Variants in GNRHR observed in about 807,000 individuals in gnomAD.
GNRHR encodes gonadotropin-releasing hormone receptor.
A neutral mutation model predicts 28.1 loss-of-function variants in GNRHR; 14 were observed. That is an observed-to-expected ratio of 0.50 (90% CI 0.33 to 0.78). The LOEUF (loss-of-function observed/expected upper bound fraction) is 0.78, where lower values mean the gene tolerates loss of function less well. Ranked by LOEUF, GNRHR falls within the 30% of genes least tolerant of loss-of-function variation. GNRHR has a pLI of 0.02. For missense variants in GNRHR, 366 were observed against 382.1 expected, an observed-to-expected ratio of 0.96 and a Z score of 0.35; for synonymous variants, 141 against 140.5, an observed-to-expected ratio of 1.00 and a Z score of -0.02.
chr4:67,750,959 G>A (rs1433903405), intron 1 of GNRHR, among the ~76,000 whole-genome samples: 1 of 151,900 alleles, frequency 6.6e-6, no homozygotes, highest in African/African-American at 2.4e-5. Context: ...ATTAGTTATG[G>A]GATTGAAATT....
At chr4:67,743,769 G>C (rs1038610475) in intron 2 of GNRHR, among the ~76,000 whole-genome samples, 3 of 152,222 alleles carry the variant, frequency 2.0e-5, no homozygotes, top group Admixed American at 1.3e-4. Context: ...TGTTCTTGCA[G>C]TATACTTTTT....
intron 1 of GNRHR, chr4:67,753,565 T>C: frequency 2.0e-6 from 1 of 511,796 alleles, no homozygotes; most frequent in Non-Finnish European, 3.5e-6. Context: ...TATTTATTCA[T>C]CACAAAAGCA....
At position 67,744,701 on chromosome 4, in the gene GNRHR, T is replaced by G. The variant is rs780032788; in HGVS notation, c.609A>C (p.Ser203=). Residue 203 remains serine, a synonymous_variant, in exon 2 of 3, where the codon TCA becomes TCC. Coordinates refer to ENST00000226413, the MANE Select transcript of GNRHR (RefSeq NM_000406.3). ...FSQCVTHCSF[S]QWWHQAFYNF... Reference sequence around the variant, plus strand: ...TATAAAATGCTTGATGCCACCATTGTGAAAAACTGCAGTGTGTTACACATT... The same window carrying G: ...TATAAAATGCTTGATGCCACCATTGGGAAAAACTGCAGTGTGTTACACATT... 1.2e-6 allele frequency: 2 copies of G among 1,611,950 alleles called. No homozygotes were observed. The highest frequency in any genetic ancestry group is 1.7e-6 in the Non-Finnish European group (2 of 1,177,960).
At chr4:67,742,969 T>C (rs1483790705) in intron 2 of GNRHR, among the ~76,000 whole-genome samples, 1 of 152,272 alleles carries the variant, frequency 6.6e-6, no homozygotes, top group East Asian at 1.9e-4. Flanking sequence ...TTCTTTTTTT[T>C]TTTCCTGAGT....
intron 2 of GNRHR, among the ~76,000 whole-genome samples, chr4:67,743,833 A>G (rs2109982915): frequency 6.6e-6 from 1 of 152,302 alleles, no homozygotes; most frequent in Middle Eastern, 3.4e-3. Flanking sequence ...CCAATTCCCT[A>G]TTAGAGAGCA....
chr4:67,753,057 C>G (rs1418422724), intron 1 of GNRHR, among the ~76,000 whole-genome samples: 1 of 152,176 alleles, frequency 6.6e-6, no homozygotes, highest in African/African-American at 2.4e-5. Context: ...GCAGGTTCAG[C>G]AGGTCAGTTA....
chr4:67,748,646 G>A (rs183397215), intron 1 of GNRHR, among the ~76,000 whole-genome samples: 5 of 151,516 alleles, frequency 3.3e-5, no homozygotes, highest in East Asian at 1.9e-4. Flanking sequence ...CCATTAACTC[G>A]CATGGCACAT....
In GNRHR at chr4:67,740,642, T is replaced by C; in HGVS notation, c.825A>G (p.Ser275=). Residue 275 remains serine, a synonymous_variant, in exon 3 of 3, where the codon TCA becomes TCG. Transcript: ENST00000226413. ...TLKMTVAFAT[S]FTVCWTPYYV... is the part of the protein sequence containing the mutation. ...AGTAGGGAGTCCAGCAGACAGTAAA[T>C]GAAGTGGCAAATGCAACCGTCATTT... 1.2e-6 allele frequency: 2 copies of C among 1,611,366 alleles called. No individual in the cohort carries two copies. Among genetic ancestry groups the C allele is most frequent in the Non-Finnish European group, 1.7e-6 (2 of 1,177,458 alleles).
chr4:67,742,002 G>A (rs890348516), intron 2 of GNRHR, among the ~76,000 whole-genome samples: 4 of 152,160 alleles, frequency 2.6e-5, no homozygotes, highest in South Asian at 4.2e-4. Flanking sequence ...TCTGTGGGCC[G>A]TCTGTTAACT....
chr4:67,745,851 G>T (rs1421754969), intron 1 of GNRHR, among the ~76,000 whole-genome samples: 1 of 151,988 alleles, frequency 6.6e-6, no homozygotes, highest in African/African-American at 2.4e-5. Flanking sequence ...CTAACCTTGA[G>T]AGGACAAATC....
chr4:67,740,768 T>G (rs1731644966), intron 2 of GNRHR, 44 bp from the exon 3 acceptor site: 1 of 1,533,908 alleles, frequency 6.5e-7, no homozygotes, highest in Admixed American at 1.7e-5. Flanking sequence ...ATCAGTTTTC[T>G]TACAAAACCA....
In GNRHR at chr4:67,740,690, T is replaced by A. The variant is rs375559014; in HGVS notation, c.777A>T (p.Pro259=). ...TTTTTAGAGTCTTCAGCCGTGCTCTTGGTATATTGTTCTTGGACTGATTCA... is the reference window on the plus strand; with the variant it reads ...TTTTTAGAGTCTTCAGCCGTGCTCTAGGTATATTGTTCTTGGACTGATTCA... ...LQLNQSKNNI[P]RARLKTLKMT... Residue 259 remains proline (P), a synonymous_variant, in exon 3 of 3, where the codon CCA becomes CCT. Coordinates refer to ENST00000226413, the MANE Select transcript of GNRHR (RefSeq NM_000406.3). 13 of 1,605,330 alleles carry A rather than the reference T, an allele frequency of 8.1e-6. No homozygotes were observed. The highest frequency in any genetic ancestry group is 1.1e-5 in the Non-Finnish European group (13 of 1,172,092).
intron 1 of GNRHR, among the ~76,000 whole-genome samples, chr4:67,750,674 A>G (rs1027889021): frequency 5.3e-5 from 8 of 152,106 alleles, no homozygotes; most frequent in African/African-American, 1.7e-4. Context: ...CCAGATCCCC[A>G]GCCCTGAGTG....
At chr4:67,750,501 A>C (rs1731846415) in intron 1 of GNRHR, among the ~76,000 whole-genome samples, 1 of 152,166 alleles carries the variant, frequency 6.6e-6, no homozygotes, top group Non-Finnish European at 1.5e-5. Context: ...TACTAGCATA[A>C]AGTTTGAAAG....
chr4:67,741,419 A>G (rs996033420), intron 2 of GNRHR, among the ~76,000 whole-genome samples: 2 of 152,112 alleles, frequency 1.3e-5, no homozygotes, highest in African/African-American at 4.8e-5. Flanking sequence ...TATAGTACAT[A>G]TATACCACAT....
At chr4:67,747,920 C>T (rs1341798448) in intron 1 of GNRHR, among the ~76,000 whole-genome samples, 1 of 151,800 alleles carries the variant, frequency 6.6e-6, no homozygotes, top group Non-Finnish European at 1.5e-5. Flanking sequence ...TCTTACTTGC[C>T]CATAAATTAA....
At chr4:67,752,259 T>C (rs1417912953) in intron 1 of GNRHR, among the ~76,000 whole-genome samples, 1 of 151,814 alleles carries the variant, frequency 6.6e-6, no homozygotes, top group Non-Finnish European at 1.5e-5. Context: ...GAGATTGCAG[T>C]GCAGTTGCAG....
rs758542587 is a variant in GNRHR, at chr4:67,738,447, G to GT, written c.*2032dup. On this transcript the variant is annotated 3_prime_UTR_variant, in exon 3 of 3. Transcript: ENST00000226413. ...TTTCGAATAGCCCTTTAGTTAATGTGTAAAAAAAAAAAATGCCTGAGGCAA... is the reference window on the plus strand; with the variant it reads ...TTTCGAATAGCCCTTTAGTTAATGTGTTAAAAAAAAAAAATGCCTGAGGCAA... 3.0e-4 allele frequency among the ~76,000 whole-genome samples: 45 copies of GT among 150,478 alleles called. No individual in the cohort carries two copies. Among genetic ancestry groups the GT allele is most frequent in the Middle Eastern group, 3.4e-3 (1 of 294 alleles).
In GNRHR at chr4:67,754,249, G is replaced by C. The variant is rs1422141917; in HGVS notation, c.87C>G (p.Pro29=). 1 of 1,613,668 alleles carries C rather than the reference G, an allele frequency of 6.2e-7. No homozygotes were observed. Among genetic ancestry groups the C allele is most frequent in the Non-Finnish European group, 8.5e-7 (1 of 1,179,568 alleles). Residue 29 remains proline (P), a synonymous_variant, in exon 1 of 3, where the codon CCC becomes CCG. Transcript: ENST00000226413. ...NSIPLMQGNL[P]TLTLSGKIRV... ...GGATCTTTCCAGACAAGGTCAGAGTGGGGAGGTTGCCCTGCATCAGTGGGA... is the reference window on the plus strand; with the variant it reads ...GGATCTTTCCAGACAAGGTCAGAGTCGGGAGGTTGCCCTGCATCAGTGGGA...
Sources: gnomAD v4.1 joint callset for allele counts (sites outside exome capture counted in the v4.1 genomes callset) on GRCh38, gnomAD v4.1.1 for gene constraint, MANE v1.5 for transcripts, NCBI Gene and HGNC (gene_info 2026-07-23, HGNC 2026-07-21) for gene names.